Variants in GTF3C5 observed in about 807,000 individuals in gnomAD.
GTF3C5 encodes the protein general transcription factor IIIC subunit 5, also known as general transcription factor 3C polypeptide 5.
A neutral mutation model predicts 61.0 loss-of-function variants in GTF3C5; 47 were observed. That is an observed-to-expected ratio of 0.77 (90% confidence interval 0.61 to 0.98). The LOEUF (loss-of-function observed/expected upper bound fraction) is 0.98. Among genes scored for constraint, GTF3C5 ranks in the 50% least tolerant of loss-of-function variants. The pLI is 0.00. For synonymous variants in GTF3C5, 295 were observed against 275.4 expected (o/e 1.07, Z -0.71); for missense variants, 659 against 703.3 (o/e 0.94, Z 0.71).
intron 8 of GTF3C5, chr9:133,055,214 C>G (rs762362573): frequency 1.4e-5 from 22 of 1,518,132 alleles, no homozygotes; most frequent in Non-Finnish European, 1.9e-5. Flanking sequence ...CACTGGCTCA[C>G]GTTTCCGTCA....
rs548376617 is a variant in GTF3C5, at chr9:133,031,119, G to A, written c.108G>A (p.Val36=). The A allele has an allele frequency of 5.0e-5, 80 of 1,602,194 alleles. No individual in the cohort carries two copies. In the East Asian group the frequency reaches 1.8e-3, roughly 35 times the overall value. Residue 36 remains valine (V), a synonymous_variant, in exon 1 of 11, where the codon GTG becomes GTA. Coordinates refer to ENST00000372097, the MANE Select transcript of GTF3C5 (RefSeq NM_012087.4). Reference sequence around the variant, plus strand: ...AGTACCCGGGAGTGGTGCGTGATGTGGCTAAGATGCTGCCGACTCTGGGCG... The same window carrying A: ...AGTACCCGGGAGTGGTGCGTGATGTAGCTAAGATGCTGCCGACTCTGGGCG... ...CVEYPGVVRD[V]AKMLPTLGGE... is the part of the protein sequence containing the mutation.
At chr9:133,046,454 A>G (rs529063413) in intron 3 of GTF3C5, among the ~76,000 whole-genome samples, 16 of 152,364 alleles carry the variant, frequency 1.1e-4, no homozygotes, top group African/African-American at 3.8e-4. Context: ...TGGAATAGAA[A>G]TAAATGGTGG....
intron 8 of GTF3C5, chr9:133,055,292 T>C: frequency 1.4e-6 from 2 of 1,406,576 alleles, no homozygotes; most frequent in South Asian, 1.2e-5. Flanking sequence ...CGCAAGCCGC[T>C]CCACAGCCCT....
rs1191141101 is a variant in GTF3C5, at chr9:133,051,623, C to T, written c.769-437C>T. Among the ~76,000 whole-genome samples the T allele has an allele frequency of 1.2e-4, 18 of 152,312 alleles. No individual in the cohort carries two copies. In the South Asian group the frequency reaches 3.5e-3, roughly 30 times the overall value. ...GCTGCCCCAGCCCCCTGGCCCTCTA[C>T]ACTCCGGCCACACTGACCTTTGCAG... On this transcript the variant is annotated intron_variant, in intron 4 of 10. Transcript: ENST00000372097.
chr9:133,041,039 A>G (rs1267268048), intron 1 of GTF3C5, among the ~76,000 whole-genome samples: 2 of 152,242 alleles, frequency 1.3e-5, no homozygotes, highest in African/African-American at 2.4e-5. Flanking sequence ...TGACCAGAAG[A>G]CAAGAGTGCG....
At position 133,031,062 on chromosome 9, in the gene GTF3C5, G is replaced by A. The variant is rs138716988; in HGVS notation, c.51G>A (p.Glu17=). The change falls in exon 1 of 11, where the codon GAG becomes GAA. Residue 17 remains glutamate, a synonymous_variant. Coordinates refer to ENST00000372097, the MANE Select transcript of GTF3C5 (RefSeq NM_012087.4). ...DLGLGAAVPV[E]LRRERRMVCV... ...GGCTGGGGGCCGCCGTCCCCGTGGA[G>A]CTGAGGCGGGAGCGACGCATGGTGT... is the stretch of plus-strand genomic sequence containing the variant. 11 of 1,611,522 alleles carry A rather than the reference G, an allele frequency of 6.8e-6. No homozygotes were observed. In the African/African-American group the frequency reaches 1.3e-4, roughly 20 times the overall value.
At chr9:133,031,816 C>T (rs1268776118) in intron 1 of GTF3C5, among the ~76,000 whole-genome samples, 2 of 152,062 alleles carry the variant, frequency 1.3e-5, no homozygotes, top group African/African-American at 2.4e-5. Flanking sequence ...TCAAAGAGGG[C>T]AGGGGCACAG....
chr9:133,041,664 C>G (rs564109363), intron 1 of GTF3C5, among the ~76,000 whole-genome samples: 2 of 152,126 alleles, frequency 1.3e-5, no homozygotes, highest in African/African-American at 2.4e-5. Context: ...AGTGGTCCCC[C>G]GGGCCCAGCT....
chr9:133,052,015 G>A, intron 4 of GTF3C5, 45 bp from the exon 5 acceptor site: 2 of 1,038,170 alleles, frequency 1.9e-6, no homozygotes, highest in Non-Finnish European at 2.9e-6. Context: ...CCGAAGGGTG[G>A]AAGCTGCTGG....
chr9:133,057,938 C>T lies in GTF3C5; in HGVS notation c.1518C>T (p.Gly506=). The part of the protein sequence containing the change: ...EEEEDFKPSD[G]SENEMETEIL... ...AGGAGGACTTCAAGCCATCCGACGG[C>T]AGTGAAAACGAAATGGAGACAGAGA... Residue 506 remains glycine, a synonymous_variant, in exon 11 of 11, where the codon GGC becomes GGT. Transcript: ENST00000372097. 1.2e-6 allele frequency: 2 copies of T among 1,613,982 alleles called. No homozygotes were observed. Among genetic ancestry groups the T allele is most frequent in the Non-Finnish European group, 1.7e-6 (2 of 1,180,008 alleles).
At chr9:133,056,679 C>G in intron 9 of GTF3C5, 87 bp from the exon 10 acceptor site, 1 of 1,329,552 alleles carries the variant, frequency 7.5e-7, no homozygotes, top group Non-Finnish European at 1.0e-6. Flanking sequence ...CTCAGTACAG[C>G]TCTGCCTCTG....
At position 133,052,486 on chromosome 9, in the gene GTF3C5, G is replaced by C. The variant is rs577609061; in HGVS notation, c.873+322G>C. Among the ~76,000 whole-genome samples the C allele has an allele frequency of 3.3e-5, 5 of 151,388 alleles. No individual in the cohort carries two copies. In the Admixed American group the frequency reaches 3.3e-4, roughly 10 times the overall value. ...AAAAGTTTCAGCTCCCTGAGTCCAG[G>C]GCGCCCTCCACAGCCTGTTGGGCTG... On this transcript the variant is annotated intron_variant, in intron 5 of 10. Coordinates refer to ENST00000372097, the MANE Select transcript of GTF3C5 (RefSeq NM_012087.4).
At chr9:133,032,236 G>A (rs556318979) in intron 1 of GTF3C5, among the ~76,000 whole-genome samples, 2 of 152,366 alleles carry the variant, frequency 1.3e-5, no homozygotes, top group South Asian at 4.1e-4. Context: ...CCTGGAATGG[G>A]TTTTTATCCC....
At chr9:133,057,013 C>T (rs1223923349) in intron 10 of GTF3C5, 105 bp downstream of exon 10, 1 of 1,121,650 alleles carries the variant, frequency 8.9e-7, no homozygotes, top group Non-Finnish European at 1.2e-6. Context: ...ACCCAGGTGG[C>T]ATCATCTTGC....
chr9:133,052,783 G>T (rs1850425335), intron 5 of GTF3C5, among the ~76,000 whole-genome samples: 1 of 152,112 alleles, frequency 6.6e-6, no homozygotes, highest in African/African-American at 2.4e-5. Flanking sequence ...TGGACTTCCG[G>T]CTCAGGAGAG....
At position 133,050,983 on chromosome 9, in the gene GTF3C5, G is replaced by A; in HGVS notation, c.768+5G>A. 1 of 1,591,236 alleles carries A rather than the reference G, an allele frequency of 6.3e-7. No homozygotes were observed. On this transcript the variant is annotated splice_donor_5th_base_variant and intron_variant, in intron 4 of 10. Coordinates refer to ENST00000372097, the MANE Select transcript of GTF3C5 (RefSeq NM_012087.4). ...GTGGAGGAGGAGCTGAGGAAGGCAAGTCCTGCGCTGCGCCTGGCCCCGGTG... is the reference window on the plus strand; with the variant it reads ...GTGGAGGAGGAGCTGAGGAAGGCAAATCCTGCGCTGCGCCTGGCCCCGGTG...
chr9:133,031,169 G>A lies in GTF3C5; in HGVS notation c.153+5G>A. 1 of 1,563,380 alleles carries A rather than the reference G, an allele frequency of 6.4e-7. No individual in the cohort carries two copies. Among genetic ancestry groups the A allele is most frequent in the Non-Finnish European group, 8.7e-7 (1 of 1,153,804 alleles). ...GGCGAGGAAGGCGTCTCCCGGGTAA[G>A]GGGCTGGGAATCTCGGTGTTGGAAT... is the stretch of plus-strand genomic sequence containing the variant. On this transcript the variant is annotated splice_donor_5th_base_variant and intron_variant, in intron 1 of 10. Transcript: ENST00000372097.
intron 3 of GTF3C5, chr9:133,044,196 C>T: frequency 2.1e-6 from 1 of 484,886 alleles, no homozygotes; most frequent in Non-Finnish European, 3.7e-6. Context: ...TAGTACTACC[C>T]AACAGACGTA....
chr9:133,033,735 G>T (rs939920476), intron 1 of GTF3C5, among the ~76,000 whole-genome samples: 1 of 152,188 alleles, frequency 6.6e-6, no homozygotes, highest in Non-Finnish European at 1.5e-5. Flanking sequence ...TGGGCTTCTG[G>T]TCTACTGTGT....
Sources: gnomAD v4.1 joint callset for allele counts (sites outside exome capture counted in the v4.1 genomes callset) on GRCh38, gnomAD v4.1.1 for gene constraint, MANE v1.5 for transcripts, NCBI Gene and HGNC (gene_info 2026-07-23, HGNC 2026-07-21) for gene names.